The following SLIT3 variants were observed in gnomAD, a reference collection of about 807,000 sequenced individuals.
SLIT3 encodes the protein slit guidance ligand 3.
SLIT3 carries 68 observed loss-of-function variants against 184.0 expected under a neutral mutation model. The observed-to-expected ratio is 0.37, with a 90% confidence interval of 0.30 to 0.45. SLIT3 has a LOEUF of 0.45. Ranked by LOEUF, SLIT3 falls within the 20% of genes least tolerant of loss-of-function variation. The pLI is 1.00. For missense variants in SLIT3, 1,707 were observed against 2,026.0 expected, an observed-to-expected ratio of 0.84 and a Z score of 3.02; for synonymous variants, 831 against 828.6, an observed-to-expected ratio of 1.00 and a Z score of -0.05.
chr5:168,996,281 CAT>C (rs1182453571), intron 4 of SLIT3, among the ~76,000 whole-genome samples: 1 of 152,172 alleles, frequency 6.6e-6, no homozygotes, highest in Non-Finnish European at 1.5e-5. Context: ...CCGAGAGACA[CAT>C]GATTTACCTA....
chr5:169,148,935 C>T (rs567031627), intron 4 of SLIT3, among the ~76,000 whole-genome samples: 4 of 152,062 alleles, frequency 2.6e-5, no homozygotes, highest in South Asian at 2.1e-4. Context: ...TTATCCCAGA[C>T]GCTGTGCTCA....
chr5:168,840,870 G>A (rs981380202), intron 6 of SLIT3, among the ~76,000 whole-genome samples: 4 of 152,170 alleles, frequency 2.6e-5, no homozygotes, highest in South Asian at 2.1e-4. Context: ...CAATGGCCAC[G>A]AGTGGGAATA....
At chr5:168,789,666 C>T in intron 10 of SLIT3, 35 bp from the exon 11 acceptor site, 1 of 1,543,642 alleles carries the variant, frequency 6.5e-7, no homozygotes, top group Non-Finnish European at 8.9e-7. Context: ...GAGAACATGG[C>T]TCAAAGGTGC....
intron 3 of SLIT3, among the ~76,000 whole-genome samples, chr5:169,239,191 A>T (rs756794700): frequency 1.3e-5 from 2 of 152,182 alleles, no homozygotes; most frequent in Non-Finnish European, 2.9e-5. Flanking sequence ...TGAATAAGCT[A>T]AATTTGGTTG....
intron 6 of SLIT3, among the ~76,000 whole-genome samples, chr5:168,836,407 A>G (rs1374171701): frequency 6.6e-6 from 1 of 152,206 alleles, no homozygotes; most frequent in Non-Finnish European, 1.5e-5. Context: ...GCTGACCATC[A>G]GGCAGGGGCA....
At chr5:169,219,777 G>A (rs920249297) in intron 3 of SLIT3, among the ~76,000 whole-genome samples, 2 of 152,224 alleles carry the variant, frequency 1.3e-5, no homozygotes, top group African/African-American at 4.8e-5. Context: ...TGAAATCGCA[G>A]AAGCAGTTTA....
intron 7 of SLIT3, among the ~76,000 whole-genome samples, chr5:168,817,827 G>T (rs1757386809): frequency 6.6e-6 from 1 of 152,126 alleles, no homozygotes; most frequent in African/African-American, 2.4e-5. Flanking sequence ...GTAAATTTCA[G>T]CACTTTAGCC....
chr5:168,926,744 G>A (rs200158961), intron 4 of SLIT3, among the ~76,000 whole-genome samples: 1,139 of 90,534 alleles, frequency 0.013, 12 homozygotes, highest in African/African-American at 0.05. Flanking sequence ...TTTCTACGAA[G>A]AAGACATACA....
At chr5:169,178,773 A>G (rs1425948315) in intron 4 of SLIT3, among the ~76,000 whole-genome samples, 1 of 152,028 alleles carries the variant, frequency 6.6e-6, no homozygotes, top group African/African-American at 2.4e-5. Context: ...CATTTAATGA[A>G]TATATCCTCA....
intron 4 of SLIT3, chr5:169,017,810 TAA>T (rs1293866556): frequency 6.6e-6 from 1 of 152,206 alleles, no homozygotes; most frequent in Non-Finnish European, 1.5e-5. Context: ...AAGCATCTCC[TAA>T]GTCTTCTTTG....
At chr5:168,699,069 C>G (rs748785803) in intron 27 of SLIT3, among the ~76,000 whole-genome samples, 1 of 152,160 alleles carries the variant, frequency 6.6e-6, no homozygotes, top group Non-Finnish European at 1.5e-5. Context: ...GGCTGGGGCC[C>G]CGTGGCCACC....
intron 4 of SLIT3, among the ~76,000 whole-genome samples, chr5:168,907,973 TATATATAGAG>T (rs1761129399): frequency 3.0e-5 from 2 of 66,790 alleles, no homozygotes; most frequent in Non-Finnish European, 2.7e-5. Context: ...TATATATATA[TATATATAGAG>T]AGAGAGAGAG....
In SLIT3 at chr5:168,836,798, A is replaced by G. The variant is rs184608787; in HGVS notation, c.557+7786T>C. 3.6e-3 allele frequency among the ~76,000 whole-genome samples: 552 copies of G among 152,334 alleles called. 1 individual carries two copies. The highest frequency in any genetic ancestry group is 0.02 in the Middle Eastern group (6 of 294). On this transcript the variant is annotated intron_variant, in intron 6 of 35. Coordinates refer to ENST00000519560, the MANE Select transcript of SLIT3 (RefSeq NM_003062.4). ...CAAAAACAATTCAATTATCTTCTCCACATCCTCTTAACCCAGGAATGTACA... is the reference window on the plus strand; with the variant it reads ...CAAAAACAATTCAATTATCTTCTCCGCATCCTCTTAACCCAGGAATGTACA...
intron 4 of SLIT3, among the ~76,000 whole-genome samples, chr5:168,907,610 T>C (rs11134549): frequency 0.42 from 63,530 of 151,982 alleles, 14,413 homozygotes; most frequent in East Asian, 0.64. Flanking sequence ...GTGTATTACA[T>C]GTATGATAAA....
chr5:168,970,672 T>C (rs2113321213), intron 4 of SLIT3, among the ~76,000 whole-genome samples: 1 of 152,206 alleles, frequency 6.6e-6, no homozygotes, highest in South Asian at 2.1e-4. Context: ...TGTTGTGGGG[T>C]ATCTCAAACT....
intron 4 of SLIT3, among the ~76,000 whole-genome samples, chr5:169,033,287 T>C (rs76381746): frequency 0.017 from 2,586 of 152,280 alleles, 66 homozygotes; most frequent in African/African-American, 0.057. Context: ...AGGCAAGATC[T>C]TTTTTAGGGC....
chr5:168,759,703 T>A (rs996283453), intron 16 of SLIT3, among the ~76,000 whole-genome samples: 1 of 152,330 alleles, frequency 6.6e-6, no homozygotes. Context: ...TGTTTTGTTG[T>A]TCTGTGCACA....
In SLIT3 at chr5:168,945,691, A is replaced by T. The variant is rs536586854; in HGVS notation, c.414-62355T>A. Among the ~76,000 whole-genome samples the T allele has an allele frequency of 2.0e-5, 3 of 152,354 alleles. No homozygotes were observed. In the South Asian group the frequency reaches 6.2e-4, roughly 32 times the overall value. ...ATTCCAAATATATCAACACTGAGAG[A>T]GAGAAAACAATCCCGACTGCTTTAG... is the stretch of plus-strand genomic sequence containing the variant. On this transcript the variant is annotated intron_variant, in intron 4 of 35. Transcript: ENST00000519560.
At chr5:168,789,345 C>T (rs769883798) in intron 11 of SLIT3, among the ~76,000 whole-genome samples, 13 of 152,164 alleles carry the variant, frequency 8.5e-5, no homozygotes, top group East Asian at 1.9e-4. Context: ...AGCTGCCAGG[C>T]GCTTAATCAA....
Sources: gnomAD v4.1 joint callset for allele counts (sites outside exome capture counted in the v4.1 genomes callset) on GRCh38, gnomAD v4.1.1 for gene constraint, MANE v1.5 for transcripts, NCBI Gene and HGNC (gene_info 2026-07-23, HGNC 2026-07-21) for gene names.